Variants in FOXL3 observed in about 807,000 individuals in gnomAD.
FOXL3 encodes forkhead box L3.
A neutral mutation model predicts 10.9 loss-of-function variants in FOXL3; 16 were observed. The ratio of observed to expected loss-of-function variants is 1.46; its 90% CI spans 0.99 to 2.22. The LOEUF (loss-of-function observed/expected upper bound fraction) is 2.22, where lower values mean the gene tolerates loss of function less well. Among genes scored for constraint, FOXL3 ranks in the 30% most tolerant of loss-of-function variants. The pLI is 0.00. For missense variants in FOXL3, 400 were observed against 337.9 expected, an observed-to-expected ratio of 1.18 and a Z score of -1.44; for synonymous variants, 170 against 152.0, an observed-to-expected ratio of 1.12 and a Z score of -0.87.
In FOXL3 at chr7:290,198, A is replaced by G. The variant is rs1376192563; in HGVS notation, c.29A>G (p.Asn10Ser). The change falls in exon 1 of 3, where the codon AAC (asparagine) becomes AGC (serine). Residue 10 changes from asparagine (N) to serine (S), a missense_variant. Physicochemically the swap from Asn to Ser is conservative, Grantham distance 46. Coordinates refer to ENST00000506382, the MANE Select transcript of FOXL3 (RefSeq NM_001374838.1). The stretch of plus-strand genomic sequence containing the variant: ...TTTGACAGCTCGCAGTATCCCTACA[A>G]CTGCTTCAATTACGACGCCGACGAC... Reference protein sequence around the residue: MFDSSQYPYNCFNYDADDYP... With the variant: MFDSSQYPYSCFNYDADDYP... 2.6e-6 allele frequency: 4 copies of G among 1,535,742 alleles called. No homozygotes were observed. Among genetic ancestry groups the G allele is most frequent in the East Asian group, 2.4e-5 (1 of 40,896 alleles).
rs912127916 is a variant in FOXL3 at position 290,283 on chromosome 7, G to A, written c.107+7G>A. 7.2e-6 allele frequency: 11 copies of A among 1,533,812 alleles called. No individual in the cohort carries two copies. The highest frequency in any genetic ancestry group is 8.7e-6 in the Non-Finnish European group (10 of 1,145,004). Reference sequence around the variant, plus strand: ...TCACGCGGCCCGCGTACAGGTGACTGCGGGGGCGGTGCTGGGGCTTTGGGG... The same window carrying A: ...TCACGCGGCCCGCGTACAGGTGACTACGGGGGCGGTGCTGGGGCTTTGGGG... On this transcript the variant is annotated splice_region_variant and intron_variant, in intron 1 of 2. Coordinates refer to ENST00000506382, the MANE Select transcript of FOXL3 (RefSeq NM_001374838.1).
chr7:290,679 T>C lies in FOXL3; in HGVS notation c.134T>C (p.Ile45Thr). The stretch of plus-strand genomic sequence containing the variant: ...TACATCGCCTTGATCGCCATGGCCA[T>C]TCAGCAGAGCCCCGCGGGGAGGGTG... Reference protein sequence around the residue: ...YSYIALIAMAIQQSPAGRVTL... With the variant: ...YSYIALIAMATQQSPAGRVTL... The change falls in exon 2 of 3, where the codon ATT (isoleucine) becomes ACT (threonine). Residue 45 changes from isoleucine to threonine, a missense_variant. Transcript: ENST00000506382. The C allele has an allele frequency of 1.4e-6, 2 of 1,433,092 alleles. No homozygotes were observed. The highest frequency in any genetic ancestry group is 1.8e-6 in the Non-Finnish European group (2 of 1,098,668). 88.8% of individuals were successfully genotyped at this position (1,433,092 alleles called of 1,614,324 possible).
Position 290,773 on chromosome 7 carries a change from G to A in FOXL3, c.228G>A (p.Trp76Ter), listed in dbSNP as rs576783649. The A allele has an allele frequency of 4.7e-6, 7 of 1,493,222 alleles. No homozygotes were observed. Among genetic ancestry groups the A allele is most frequent in the East Asian group, 5.3e-5 (2 of 37,644 alleles). The allele number at this position is 1,493,222 out of a possible 1,614,324, so 92.5% of individuals were successfully genotyped here. Residue 76 changes from tryptophan (W) to a stop codon, truncating the protein, a stop_gained, in exon 2 of 3, where the codon TGG becomes TGA. Coordinates refer to ENST00000506382, the MANE Select transcript of FOXL3 (RefSeq NM_001374838.1). LOFTEE classifies it low-confidence loss of function (END_TRUNC). ...FPYYRANQRA[W>*]QNSIRHNLSL... ...ATTACCGCGCCAACCAGCGCGCCTG[G>A]CAGAACTCCATCCGCCACAACCTGT...
At chr7:290,456 G>A (rs914197319) in intron 1 of FOXL3, among the ~76,000 whole-genome samples, 180 bp downstream of exon 1, 5 of 152,168 alleles carry the variant, frequency 3.3e-5, no homozygotes, top group African/African-American at 1.2e-4. Flanking sequence ...AGGGTTCTTG[G>A]CCTCGCGGGG....
At chr7:290,396 C>T in intron 1 of FOXL3, 120 bp downstream of exon 1, 2 of 914,732 alleles carry the variant, frequency 2.2e-6, no homozygotes, top group Non-Finnish European at 3.4e-6. Context: ...TCTCCGGCGG[C>T]GGAGCTCAGA....
chr7:291,225 G>T lies in FOXL3; in HGVS notation c.439G>T (p.Ala147Ser). The T allele has an allele frequency of 7.8e-6, 9 of 1,160,058 alleles. No homozygotes were observed. The highest frequency in any genetic ancestry group is 9.5e-6 in the Non-Finnish European group (9 of 942,916). The allele number at this position is 1,160,058 out of a possible 1,614,324, so 71.9% of individuals were successfully genotyped here. A position where few individuals can be genotyped will look rare whatever the true frequency, so the allele number is the denominator to read the frequency against. The change falls in exon 3 of 3, where the codon GCC (alanine) becomes TCC (serine). Residue 147 changes from alanine to serine, a missense_variant. Transcript: ENST00000506382. Reference protein sequence around the residue: ...EGPRGPRAGGAQGPSGPSEPP... With the variant: ...EGPRGPRAGGSQGPSGPSEPP... Reference sequence around the variant, plus strand: ...GCCGAGGGGTCCGCGCGCGGGGGGCGCCCAGGGGCCGTCGGGTCCGTCCGA... The same window carrying T: ...GCCGAGGGGTCCGCGCGCGGGGGGCTCCCAGGGGCCGTCGGGTCCGTCCGA...
At chr7:290,596 G>C (rs1173265066) in intron 1 of FOXL3, 57 bp from the exon 2 acceptor site, 2 of 1,399,442 alleles carry the variant, frequency 1.4e-6, no homozygotes, top group Non-Finnish European at 1.9e-6. Context: ...CTGCGGGATG[G>C]GGGGAAGGAC....
intron 1 of FOXL3, 91 bp from the exon 2 acceptor site, chr7:290,562 T>C: frequency 7.8e-7 from 1 of 1,274,310 alleles, no homozygotes; most frequent in East Asian, 2.6e-5. Flanking sequence ...GCCTCGCTCC[T>C]CCGCCTCTGC....
At chr7:290,852 T>G in intron 2 of FOXL3, 31 bp downstream of exon 2, 2 of 1,378,188 alleles carry the variant, frequency 1.5e-6, no homozygotes, top group Non-Finnish European at 1.9e-6. Context: ...GCCCCGGGTG[T>G]CCCAGCGTGG....
chr7:290,631 G>T, intron 1 of FOXL3, 22 bp from the exon 2 acceptor site: 2 of 1,411,978 alleles, frequency 1.4e-6, no homozygotes, highest in East Asian at 2.6e-5. Context: ...TGGAGACCCC[G>T]CCTGACCCCC....
chr7:291,338 G>T lies in FOXL3; in HGVS notation c.552G>T (p.Pro184=), dbSNP rs1332397108. ...AGCCCCCCGCCAGCCCCGCTCCCCCGGGGAAGGAGCACCCCCGGGACCTCA... is the reference window on the plus strand; with the variant it reads ...AGCCCCCCGCCAGCCCCGCTCCCCCTGGGAAGGAGCACCCCCGGGACCTCA... ...GREPPASPAP[P]GKEHPRDLKF... is the part of the protein sequence containing the mutation. Residue 184 remains proline, a synonymous_variant, in exon 3 of 3, where the codon CCG becomes CCT. Transcript: ENST00000506382. The T allele has an allele frequency of 1.6e-6, 2 of 1,280,394 alleles. No individual in the cohort carries two copies. Among genetic ancestry groups the T allele is most frequent in the East Asian group, 3.1e-5 (1 of 32,142 alleles). 79.3% of individuals were successfully genotyped at this position (1,280,394 alleles called of 1,614,324 possible).
Position 291,389 on chromosome 7 carries a change from C to T in FOXL3, c.603C>T (p.Ser201=). The change falls in exon 3 of 3, where the codon TCC becomes TCT. Residue 201 remains serine (S), a synonymous_variant. Coordinates refer to ENST00000506382, the MANE Select transcript of FOXL3 (RefSeq NM_001374838.1). ...AGTTCAGCATCGACTACATCCTGTCCTCCCCAGACCCCTTCCCTGGGCTCA... is the reference window on the plus strand; with the variant it reads ...AGTTCAGCATCGACTACATCCTGTCTTCCCCAGACCCCTTCCCTGGGCTCA... ...DLKFSIDYIL[S]SPDPFPGLKP... 7.8e-7 allele frequency: 1 copy of T among 1,290,008 alleles called. No individual in the cohort carries two copies. 79.9% of individuals were successfully genotyped at this position (1,290,008 alleles called of 1,614,324 possible). A position where few individuals can be genotyped will look rare whatever the true frequency, so the allele number is the denominator to read the frequency against.
intron 1 of FOXL3, among the ~76,000 whole-genome samples, 177 bp from the exon 2 acceptor site, chr7:290,476 C>T (rs978480876): frequency 2.6e-5 from 4 of 151,986 alleles, no homozygotes; most frequent in Non-Finnish European, 5.9e-5. Flanking sequence ...GAGGGGCCTC[C>T]GCAGGTCGGG....
chr7:290,374 G>A, intron 1 of FOXL3, 98 bp downstream of exon 1: 1 of 998,574 alleles, frequency 1.0e-6, no homozygotes, highest in Non-Finnish European at 1.5e-6. Context: ...GAAGGGCGGG[G>A]GAGCTTTCTT....
rs758230726 is a variant in FOXL3, at chr7:291,375, G to A, written c.589G>A (p.Asp197Asn). Residue 197 changes from aspartate (D) to asparagine (N), a missense_variant, in exon 3 of 3, where the codon GAC becomes AAC. By Grantham distance (23) the Asp-to-Asn change is conservative. Coordinates refer to ENST00000506382, the MANE Select transcript of FOXL3 (RefSeq NM_001374838.1). ...EHPRDLKFSIDYILSSPDPFP... is the reference protein window; with the variant it reads ...EHPRDLKFSINYILSSPDPFP... ...CCCCCGGGACCTCAAGTTCAGCATC[G>A]ACTACATCCTGTCCTCCCCAGACCC... 507 of 1,318,142 alleles carry A rather than the reference G, an allele frequency of 3.8e-4. No individual in the cohort carries two copies. Among genetic ancestry groups the A allele is most frequent in the Non-Finnish European group, 4.8e-4 (491 of 1,033,334 alleles). The allele number at this position is 1,318,142 out of a possible 1,614,324, so 81.7% of individuals were successfully genotyped here.
intron 1 of FOXL3, 25 bp downstream of exon 1, chr7:290,301 C>A: frequency 6.6e-7 from 1 of 1,511,258 alleles, no homozygotes. Context: ...GGTGCTGGGG[C>A]TTTGGGGGAC....
Position 291,197 on chromosome 7 carries a change from G to A in FOXL3, c.411G>A (p.Glu137=), listed in dbSNP as rs1778640017. The change falls in exon 3 of 3, where the codon GAG becomes GAA. Residue 137 remains glutamate, a synonymous_variant. Transcript: ENST00000506382. Reference sequence around the variant, plus strand: ...GGCGGCGGCGCGGCCCCAAGCGCGAGGGGCCGAGGGGTCCGCGCGCGGGGG... The same window carrying A: ...GGCGGCGGCGCGGCCCCAAGCGCGAAGGGCCGAGGGGTCCGCGCGCGGGGG... The part of the protein sequence containing the change: ...RRRRRRGPKR[E]GPRGPRAGGA... 3 of 1,187,686 alleles carry A rather than the reference G, an allele frequency of 2.5e-6. No homozygotes were observed. The highest frequency in any genetic ancestry group is 1.6e-5 in the African/African-American group (1 of 61,990). The allele number at this position is 1,187,686 out of a possible 1,614,324, so 73.6% of individuals were successfully genotyped here.
Position 291,341 on chromosome 7 carries a change from GA to G in FOXL3, c.557del (p.Lys186ArgfsTer?), listed in dbSNP as rs1340143998. On this transcript the variant is annotated frameshift_variant, in exon 3 of 3. Coordinates refer to ENST00000506382, the MANE Select transcript of FOXL3 (RefSeq NM_001374838.1). LOFTEE classifies it low-confidence loss of function (END_TRUNC). ...CCCCCGCCAGCCCCGCTCCCCCGGG[GA>G]AGGAGCACCCCCGGGACCTCAAGTT... ...EPPASPAPPG[K>X]EHPRDLKFSI... 2.3e-6 allele frequency: 3 copies of G among 1,285,114 alleles called. No individual in the cohort carries two copies. The highest frequency in any genetic ancestry group is 2.0e-6 in the Non-Finnish European group (2 of 1,015,916). 79.6% of individuals were successfully genotyped at this position (1,285,114 alleles called of 1,614,324 possible).
At chr7:290,580 G>A in intron 1 of FOXL3, 73 bp from the exon 2 acceptor site, 1 of 1,353,250 alleles carries the variant, frequency 7.4e-7, no homozygotes, top group South Asian at 1.6e-5. Flanking sequence ...TGCGCCCCAC[G>A]GCGTCCTGCG....
Sources: gnomAD v4.1 joint callset for allele counts (sites outside exome capture counted in the v4.1 genomes callset) on GRCh38, gnomAD v4.1.1 for gene constraint, MANE v1.5 for transcripts, NCBI Gene and HGNC (gene_info 2026-07-23, HGNC 2026-07-21) for gene names.